Variants in IGF2BP2 observed in about 807,000 individuals in gnomAD.
IGF2BP2 encodes the protein insulin like growth factor 2 mRNA binding protein 2, also known as insulin-like growth factor 2 mRNA-binding protein 2.
Under a neutral mutation model 75.8 loss-of-function variants are expected in IGF2BP2, and 17 were observed. The ratio of observed to expected loss-of-function variants is 0.22; its 90% CI spans 0.15 to 0.34. The LOEUF is 0.34. IGF2BP2 is among the 10% of genes least tolerant of loss of function. The pLI is 1.00. For synonymous variants in IGF2BP2, 288 were observed against 295.6 expected, an observed-to-expected ratio of 0.97 and a Z score of 0.26; for missense variants, 516 against 772.4, an observed-to-expected ratio of 0.67 and a Z score of 3.93.
chr3:185,671,366 T>C (rs192373581), intron 10 of IGF2BP2, among the ~76,000 whole-genome samples: 2 of 151,842 alleles, frequency 1.3e-5, no homozygotes, highest in Admixed American at 1.3e-4. Flanking sequence ...GCCAACATGG[T>C]GAAACCCCTT....
At chr3:185,816,377 T>C (rs1253236724) in intron 2 of IGF2BP2, among the ~76,000 whole-genome samples, 3 of 152,188 alleles carry the variant, frequency 2.0e-5, no homozygotes, top group African/African-American at 7.2e-5. Flanking sequence ...ATTACCTCTA[T>C]TTCTAACTAT....
chr3:185,809,120 T>C (rs1032308321), intron 2 of IGF2BP2, among the ~76,000 whole-genome samples: 1 of 151,964 alleles, frequency 6.6e-6, no homozygotes, highest in African/African-American at 2.4e-5. Flanking sequence ...TTCTTTTCTT[T>C]CTTTTTTTTT....
intron 2 of IGF2BP2, among the ~76,000 whole-genome samples, chr3:185,754,259 C>T (rs1731318715): frequency 6.6e-6 from 1 of 151,886 alleles, no homozygotes; most frequent in Non-Finnish European, 1.5e-5. Flanking sequence ...CTCTCTTGCT[C>T]CCATTCTTGC....
intron 2 of IGF2BP2, 130 bp downstream of exon 2, chr3:185,823,023 A>G (rs1179697236): frequency 7.0e-6 from 4 of 568,890 alleles, no homozygotes; most frequent in Non-Finnish European, 1.2e-5. Context: ...TAAACTATGT[A>G]TCTCCACTAA....
chr3:185,808,676 C>T (rs1012166179), intron 2 of IGF2BP2, among the ~76,000 whole-genome samples: 1 of 151,750 alleles, frequency 6.6e-6, no homozygotes, highest in Admixed American at 6.6e-5. Context: ...TCTCATGCCT[C>T]AGCCTCCTAA....
chr3:185,680,032 T>A (rs182303353), intron 7 of IGF2BP2, among the ~76,000 whole-genome samples: 25 of 152,076 alleles, frequency 1.6e-4, no homozygotes, highest in African/African-American at 6.0e-4. Flanking sequence ...GTTGGTTCTT[T>A]GAAAAGATCA....
At chr3:185,771,995 C>T (rs1014093802) in intron 2 of IGF2BP2, among the ~76,000 whole-genome samples, 3 of 152,112 alleles carry the variant, frequency 2.0e-5, no homozygotes, top group Non-Finnish European at 4.4e-5. Context: ...CCAAACAGAG[C>T]CAGTCAGAAA....
chr3:185,752,776 G>C (rs1461785625), intron 2 of IGF2BP2, among the ~76,000 whole-genome samples: 2 of 151,792 alleles, frequency 1.3e-5, no homozygotes, highest in Non-Finnish European at 2.9e-5. Flanking sequence ...TTTGTATTTT[G>C]GGTAGAGACA....
intron 2 of IGF2BP2, among the ~76,000 whole-genome samples, chr3:185,793,203 T>C (rs1736879202): frequency 6.6e-6 from 1 of 152,160 alleles, no homozygotes; most frequent in African/African-American, 2.4e-5. Context: ...AGGTGTGGTG[T>C]GGCAGAAAGA....
At position 185,715,635 on chromosome 3, in the gene IGF2BP2, T is replaced by C. The variant is rs565358708; in HGVS notation, c.240-17288A>G. On this transcript the variant is annotated intron_variant, in intron 2 of 15. Transcript: ENST00000382199. The stretch of plus-strand genomic sequence containing the variant: ...TCTTCTGATGATACGTCATTTCTTT[T>C]TTTCTTTCTTTCTTTCTTTTTTTTT... 6.9e-4 allele frequency among the ~76,000 whole-genome samples: 105 copies of C among 152,000 alleles called. 1 individual carries two copies. The South Asian group carries it at 0.02, about 29-fold the overall frequency.
chr3:185,671,627 C>A (rs141720133), intron 10 of IGF2BP2, among the ~76,000 whole-genome samples: 60 of 152,028 alleles, frequency 3.9e-4, no homozygotes, highest in Admixed American at 2.7e-3. Context: ...TGTGACTCAG[C>A]ATGTGGGTGC....
intron 2 of IGF2BP2, among the ~76,000 whole-genome samples, chr3:185,788,645 A>G (rs1158853248): frequency 6.6e-6 from 1 of 152,176 alleles, no homozygotes; most frequent in East Asian, 1.9e-4. Flanking sequence ...GTGGAAAAAC[A>G]AACAGAGTAA....
chr3:185,649,636 C>A, intron 13 of IGF2BP2, 102 bp from the exon 14 acceptor site: 1 of 1,477,902 alleles, frequency 6.8e-7, no homozygotes, highest in Non-Finnish European at 9.2e-7. Flanking sequence ...TGGGTCAGTC[C>A]CATTCCCACA....
intron 2 of IGF2BP2, among the ~76,000 whole-genome samples, chr3:185,810,510 A>G (rs888411656): frequency 2.0e-5 from 3 of 152,278 alleles, no homozygotes; most frequent in Admixed American, 6.5e-5. Context: ...GCAATGGCTC[A>G]TGCCTGTAAT....
At chr3:185,724,802 T>C (rs772724394) in intron 2 of IGF2BP2, 2 of 152,222 alleles carry the variant, frequency 1.3e-5, no homozygotes, top group Non-Finnish European at 2.9e-5. Flanking sequence ...ATGCTTTCCT[T>C]ATGGTGTGAC....
At chr3:185,680,759 C>T (rs1285042190) in intron 7 of IGF2BP2, among the ~76,000 whole-genome samples, 2 of 151,942 alleles carry the variant, frequency 1.3e-5, no homozygotes, top group African/African-American at 2.4e-5. Flanking sequence ...GGCTGGGAAA[C>T]GTAGTGAGAC....
At chr3:185,706,721 A>T (rs1724072854) in intron 2 of IGF2BP2, among the ~76,000 whole-genome samples, 2 of 151,660 alleles carry the variant, frequency 1.3e-5, no homozygotes, top group South Asian at 4.2e-4. Context: ...ATAGATTATC[A>T]GATTTCTCAG....
intron 4 of IGF2BP2, 182 bp downstream of exon 4, chr3:185,696,426 TAGAA>T: frequency 1.7e-6 from 1 of 591,318 alleles, no homozygotes; most frequent in South Asian, 2.3e-5. Flanking sequence ...TAGACATACA[TAGAA>T]AGAGACAGAT....
chr3:185,765,083 T>C (rs2149713321), intron 2 of IGF2BP2, among the ~76,000 whole-genome samples: 1 of 152,356 alleles, frequency 6.6e-6, no homozygotes, highest in African/African-American at 2.4e-5. Flanking sequence ...CAGCCCCTCC[T>C]ACCCGTTTAT....
Sources: allele counts gnomAD v4.1 joint callset (sites outside exome capture counted in the v4.1 genomes callset), GRCh38; gene constraint gnomAD v4.1.1; transcripts MANE v1.5; gene names NCBI Gene and HGNC (gene_info 2026-07-23, HGNC 2026-07-21).